The following KIF13B variants were observed in gnomAD, a reference collection of about 807,000 sequenced individuals.
KIF13B encodes kinesin family member 13B, also known as kinesin-like protein KIF13B.
KIF13B carries 127 observed loss-of-function variants against 222.0 expected under a neutral mutation model. The observed-to-expected ratio is 0.57, with a 90% CI of 0.50 to 0.66. The LOEUF (loss-of-function observed/expected upper bound fraction) is 0.66, where lower values mean the gene tolerates loss of function less well. Ranked by LOEUF, KIF13B falls within the 30% of genes least tolerant of loss-of-function variation. KIF13B has a pLI of 0.00. For synonymous variants in KIF13B, 976 were observed against 919.0 expected, an observed-to-expected ratio of 1.06 and a Z score of -1.12; for missense variants, 2,173 against 2,379.0, an observed-to-expected ratio of 0.91 and a Z score of 1.80.
intron 37 of KIF13B, among the ~76,000 whole-genome samples, chr8:29,080,341 A>AAC (rs1807749472): frequency 6.6e-6 from 1 of 151,416 alleles, no homozygotes; most frequent in Non-Finnish European, 1.5e-5. Flanking sequence ...AAAAAAAAAA[A>AAC]AAAAAAAACC....
chr8:29,165,602 G>T, intron 12 of KIF13B, 60 bp downstream of exon 12: 1 of 1,013,038 alleles, frequency 9.9e-7, no homozygotes, highest in Non-Finnish European at 1.6e-6. Flanking sequence ...GAAACACCAT[G>T]TGTCCCATTG....
At chr8:29,166,286 A>G (rs1468509874) in intron 11 of KIF13B, among the ~76,000 whole-genome samples, 2 of 152,222 alleles carry the variant, frequency 1.3e-5, no homozygotes, top group Non-Finnish European at 2.9e-5. Flanking sequence ...CGATCAAGAT[A>G]ATCATCCTGA....
chr8:29,154,647 T>C (rs1293601810), intron 14 of KIF13B, among the ~76,000 whole-genome samples: 2 of 152,102 alleles, frequency 1.3e-5, no homozygotes, highest in Non-Finnish European at 2.9e-5. Flanking sequence ...AGAAGGGTAT[T>C]CTTTGGGTGG....
chr8:29,158,800 C>T (rs1811645431), intron 13 of KIF13B, among the ~76,000 whole-genome samples: 1 of 152,130 alleles, frequency 6.6e-6, no homozygotes, highest in Non-Finnish European at 1.5e-5. Flanking sequence ...CAGTCTGAAA[C>T]ACAACCCAAA....
At position 29,104,674 on chromosome 8, in the gene KIF13B, C is replaced by T. The variant is rs1439950027; in HGVS notation, c.4215+3465G>A. Reference sequence around the variant, plus strand: ...TCCCCTGCCATTCCTTGGGACATGACGTCAAGATGCCAAAAATAAGGCCCC... The same window carrying T: ...TCCCCTGCCATTCCTTGGGACATGATGTCAAGATGCCAAAAATAAGGCCCC... On this transcript the variant is annotated intron_variant, in intron 35 of 39. Transcript: ENST00000524189. Among the ~76,000 whole-genome samples the T allele has an allele frequency of 4.6e-5, 7 of 152,106 alleles. No individual in the cohort carries two copies. In the East Asian group the frequency reaches 7.7e-4, roughly 17 times the overall value.
rs978683873 is a variant in KIF13B, at chr8:29,071,556, G to A, written c.5218+64C>T. Reference sequence around the variant, plus strand: ...CCCGGACCCTGTCCCCTCCCAGGCCGGCCACGTTCCTGCTTCCCCAGACCC... The same window carrying A: ...CCCGGACCCTGTCCCCTCCCAGGCCAGCCACGTTCCTGCTTCCCCAGACCC... On this transcript the variant is annotated intron_variant, in intron 39 of 39. Transcript: ENST00000524189. The surrounding 1 kb of genome is among the most constrained non-coding windows in gnomAD (Gnocchi z 4.9). 8 of 1,420,394 alleles carry A rather than the reference G, an allele frequency of 5.6e-6. No homozygotes were observed. In the Admixed American group the frequency reaches 1.0e-4, roughly 18 times the overall value. The allele number at this position is 1,420,394 out of a possible 1,614,324, so 88.0% of individuals were successfully genotyped here. A position where few individuals can be genotyped will look rare whatever the true frequency, so the allele number is the denominator to read the frequency against.
chr8:29,127,069 A>G, intron 25 of KIF13B, 53 bp downstream of exon 25: 1 of 1,565,968 alleles, frequency 6.4e-7, no homozygotes, highest in Non-Finnish European at 8.7e-7. Context: ...TCCAAAAGGC[A>G]CTCTGGTCTG....
In KIF13B at chr8:29,116,897, G is replaced by A. The variant is rs1176708580; in HGVS notation, c.3771C>T (p.Leu1257=). 6.2e-7 allele frequency: 1 copy of A among 1,613,774 alleles called. No individual in the cohort carries two copies. Among genetic ancestry groups the A allele is most frequent in the Non-Finnish European group, 8.5e-7 (1 of 1,179,692 alleles). ...LFLIVRVTVQ[L]SHPADMQLVL... ...CCAGTTGCATGTCAGCAGGGTGGCT[G>A]AGCTGGACCGTCACGCGCACGATCA... The change falls in exon 31 of 40, where the codon CTC becomes CTT. Residue 1257 remains leucine, a synonymous_variant. Transcript: ENST00000524189.
At chr8:29,117,569 C>T (rs912556733) in intron 30 of KIF13B, among the ~76,000 whole-genome samples, 1 of 152,118 alleles carries the variant, frequency 6.6e-6, no homozygotes, top group Non-Finnish European at 1.5e-5. Context: ...TTCCTTGTCA[C>T]GCTTGACCCT....
chr8:29,170,695 TG>T (rs1007217948), intron 10 of KIF13B, among the ~76,000 whole-genome samples: 9 of 152,164 alleles, frequency 5.9e-5, no homozygotes, highest in African/African-American at 2.2e-4. Context: ...AGCTGGAATT[TG>T]TAACACCAAG....
rs79280140 is a variant in KIF13B at position 29,100,880 on chromosome 8, C to T, written c.4216-1639G>A. Among the ~76,000 whole-genome samples, 952 of 152,258 alleles carry T rather than the reference C, an allele frequency of 6.3e-3. 14 individuals carry two copies. The highest frequency in any genetic ancestry group is 0.052 in the East Asian group (272 of 5,184). On this transcript the variant is annotated intron_variant, in intron 35 of 39. Coordinates refer to ENST00000524189, the MANE Select transcript of KIF13B (RefSeq NM_015254.4). ...TTGGAAACCCATCTGCTTTTAGCAG[C>T]GACCTAAGTACTAATCATAAAAATC...
chr8:29,107,727 GT>G (rs1055313335), intron 35 of KIF13B, among the ~76,000 whole-genome samples: 3 of 151,712 alleles, frequency 2.0e-5, no homozygotes, highest in Non-Finnish European at 2.9e-5. Flanking sequence ...CGCCTGACTA[GT>G]TTTTTGTATT....
intron 2 of KIF13B, among the ~76,000 whole-genome samples, chr8:29,225,168 G>A (rs185280615): frequency 2.1e-4 from 32 of 152,312 alleles, no homozygotes; most frequent in African/African-American, 6.5e-4. Context: ...AGAATAGCAC[G>A]ACAGTGTGGG....
chr8:29,185,790 C>T (rs1376499655), intron 6 of KIF13B, among the ~76,000 whole-genome samples: 2 of 152,190 alleles, frequency 1.3e-5, no homozygotes, highest in African/African-American at 4.8e-5. Context: ...CATCTTTCTC[C>T]ACTGTTGCGC....
chr8:29,094,544 T>C (rs1808436321), intron 36 of KIF13B, among the ~76,000 whole-genome samples: 2 of 152,180 alleles, frequency 1.3e-5, no homozygotes, highest in African/African-American at 4.8e-5. Flanking sequence ...GAAGTAGTCG[T>C]CAGAACACTG....
At chr8:29,082,383 A>T (rs1205301177) in intron 37 of KIF13B, among the ~76,000 whole-genome samples, 1 of 152,224 alleles carries the variant, frequency 6.6e-6, no homozygotes, top group Non-Finnish European at 1.5e-5. Context: ...AGTTACTGGA[A>T]AAGATATCGC....
In KIF13B at chr8:29,129,067, T is replaced by A. The variant is rs188380298; in HGVS notation, c.3075+1466A>T. On this transcript the variant is annotated intron_variant, in intron 24 of 39. Coordinates refer to ENST00000524189, the MANE Select transcript of KIF13B (RefSeq NM_015254.4). ...TTCTTGCCATTAAGTTGGTGAAAAT[T>A]GCGGTTTTTGCCATCATATAAGAAA... Among the ~76,000 whole-genome samples the A allele has an allele frequency of 7.9e-5, 12 of 152,284 alleles. No individual in the cohort carries two copies. In the East Asian group the frequency reaches 2.1e-3, roughly 27 times the overall value.
At chr8:29,127,034 TC>T in intron 25 of KIF13B, 87 bp downstream of exon 25, 1 of 1,136,952 alleles carries the variant, frequency 8.8e-7, no homozygotes, top group Non-Finnish European at 1.2e-6. Context: ...AAAGAAATGT[TC>T]ATAAAAAGTA....
At chr8:29,172,301 C>T (rs537554065) in intron 10 of KIF13B, among the ~76,000 whole-genome samples, 83 of 152,064 alleles carry the variant, frequency 5.5e-4, no homozygotes, top group African/African-American at 2.0e-3. Flanking sequence ...CCAGGATGGT[C>T]TCGATCTCCT....
Sources: gnomAD v4.1 joint callset for allele counts (sites outside exome capture counted in the v4.1 genomes callset) on GRCh38, gnomAD v4.1.1 for gene constraint, Gnocchi (gnomAD v3.1) non-coding constraint, MANE v1.5 for transcripts, NCBI Gene and HGNC (gene_info 2026-07-23, HGNC 2026-07-21) for gene names.